The following AFF1 variants were observed in gnomAD, a reference collection of about 807,000 sequenced individuals.
AFF1 encodes ALF transcription elongation factor 1.
A neutral mutation model predicts 121.7 loss-of-function variants in AFF1; 48 were observed. That is an observed-to-expected ratio of 0.39 (90% CI 0.31 to 0.50). The LOEUF (loss-of-function observed/expected upper bound fraction) is 0.50, where lower values mean the gene tolerates loss of function less well. AFF1 is among the 20% of genes least tolerant of loss of function. The pLI is 0.76. For synonymous variants in AFF1, 613 were observed against 563.0 expected, an observed-to-expected ratio of 1.09 and a Z score of -1.26; for missense variants, 1,523 against 1,511.7, an observed-to-expected ratio of 1.01 and a Z score of -0.12.
chr4:87,132,323 A>C lies in AFF1; in HGVS notation c.3226A>C (p.Ile1076Leu), dbSNP rs780553928. 1 of 1,613,466 alleles carries C rather than the reference A, an allele frequency of 6.2e-7. No homozygotes were observed. Among genetic ancestry groups the C allele is most frequent in the African/African-American group, 1.3e-5 (1 of 74,924 alleles). The change falls in exon 19 of 21, where the codon ATA becomes CTA. Residue 1076 changes from isoleucine (I) to leucine (L), a missense_variant. Transcript: ENST00000395146. Reference protein sequence around the residue: ...NMAMFRCKKDIAIKYSRTLNK... With the variant: ...NMAMFRCKKDLAIKYSRTLNK... ...GGCGATGTTTCGTTGTAAAAAAGACATAGCAATAAAGTATTCTCGTACTCT... is the reference window on the plus strand; with the variant it reads ...GGCGATGTTTCGTTGTAAAAAAGACCTAGCAATAAAGTATTCTCGTACTCT...
At chr4:87,050,912 G>A (rs746444215) in intron 4 of AFF1, among the ~76,000 whole-genome samples, 57 of 152,352 alleles carry the variant, frequency 3.7e-4, no homozygotes, top group Non-Finnish European at 7.2e-4. Context: ...GAGAGAAGCC[G>A]TGGCATCTCT....
chr4:87,118,605 C>T (rs749664132), intron 12 of AFF1, among the ~76,000 whole-genome samples: 19 of 152,216 alleles, frequency 1.2e-4, no homozygotes, highest in Non-Finnish European at 2.2e-4. Flanking sequence ...CTCCTGGGCT[C>T]AGGTGACCCT....
At chr4:86,950,776 C>T (rs1721248586) in intron 2 of AFF1, among the ~76,000 whole-genome samples, 1 of 152,180 alleles carries the variant, frequency 6.6e-6, no homozygotes, top group African/African-American at 2.4e-5. Flanking sequence ...TCTGCTAGAG[C>T]CTGGGGGAAA....
At chr4:87,007,396 A>G (rs1408812743) in intron 2 of AFF1, 4 of 1,613,996 alleles carry the variant, frequency 2.5e-6, no homozygotes, top group Non-Finnish European at 3.4e-6. Context: ...CCCTGGCTCT[A>G]TAAGCTGAAT....
intron 1 of AFF1, among the ~76,000 whole-genome samples, chr4:86,943,309 T>C (rs981353424): frequency 1.3e-5 from 2 of 152,218 alleles, no homozygotes; most frequent in African/African-American, 2.4e-5. Flanking sequence ...TGGGAGATTA[T>C]GATCTCTCCC....
At chr4:87,088,046 G>A (rs894895993) in intron 5 of AFF1, among the ~76,000 whole-genome samples, 1 of 152,128 alleles carries the variant, frequency 6.6e-6, no homozygotes, top group African/African-American at 2.4e-5. Flanking sequence ...ATTCAGTACG[G>A]TACATAAAGT....
rs561076387 is a variant in AFF1, at chr4:87,006,842, C to A, written c.39-39324C>A. 2.1e-5 allele frequency: 11 copies of A among 523,250 alleles called. 1 individual carries two copies. The East Asian group carries it at 9.3e-4, about 44-fold the overall frequency. The allele number at this position is 523,250 out of a possible 1,614,324, so 32.4% of individuals were successfully genotyped here. A position where few individuals can be genotyped will look rare whatever the true frequency, so the allele number is the denominator to read the frequency against. Reference sequence around the variant, plus strand: ...GCTTGTCGGCGCCCAGGCTCTGCCCCCTACCCGACCCTGCCTGCCGCTTGC... The same window carrying A: ...GCTTGTCGGCGCCCAGGCTCTGCCCACTACCCGACCCTGCCTGCCGCTTGC... On this transcript the variant is annotated intron_variant, in intron 2 of 20. Transcript: ENST00000395146.
In AFF1 at chr4:87,125,108, A is replaced by G. The variant is rs201088032; in HGVS notation, c.2538A>G (p.Ser846=). 6.2e-7 allele frequency: 1 copy of G among 1,610,870 alleles called. No homozygotes were observed. Among genetic ancestry groups the G allele is most frequent in the Non-Finnish European group, 8.5e-7 (1 of 1,178,216 alleles). Residue 846 remains serine, a synonymous_variant, in exon 13 of 21, where the codon TCA becomes TCG. Transcript: ENST00000395146. ...LEKEIKSQSS[S]SSSSHKESSK... is the part of the protein sequence containing the mutation. ...AGGAAATCAAATCACAGTCATCTTC[A>G]TCTTCATCCTCCCACAAAGAATCTT... is the stretch of plus-strand genomic sequence containing the variant.
At chr4:86,991,438 C>T (rs1724701376) in intron 2 of AFF1, among the ~76,000 whole-genome samples, 2 of 107,480 alleles carry the variant, frequency 1.9e-5, no homozygotes, top group African/African-American at 5.9e-5. Context: ...GAGTGAGACT[C>T]CATCTCCAAA....
intron 16 of AFF1, among the ~76,000 whole-genome samples, chr4:87,130,186 T>C (rs921310208): frequency 3.9e-5 from 6 of 151,968 alleles, no homozygotes; most frequent in African/African-American, 1.5e-4. Flanking sequence ...TTGGCCAGGC[T>C]GGTCTCAAAA....
intron 4 of AFF1, among the ~76,000 whole-genome samples, chr4:87,081,547 G>T (rs1299748170): frequency 2.0e-5 from 3 of 152,180 alleles, no homozygotes; most frequent in Non-Finnish European, 2.9e-5. Flanking sequence ...AAATCTGCAT[G>T]CCATACCATT....
chr4:86,968,656 A>C (rs2149476534), intron 2 of AFF1, among the ~76,000 whole-genome samples: 1 of 152,334 alleles, frequency 6.6e-6, no homozygotes, highest in South Asian at 2.1e-4. Flanking sequence ...GAGGGAAAAG[A>C]TTTATGAGCA....
intron 2 of AFF1, among the ~76,000 whole-genome samples, chr4:86,982,537 C>T (rs925439056): frequency 6.6e-6 from 1 of 150,752 alleles, no homozygotes; most frequent in Non-Finnish European, 1.5e-5. Context: ...GAGGGTGGAA[C>T]CTTCATGAAT....
rs368044794 is a variant in AFF1 at position 87,127,215 on chromosome 4, T to C, written c.2903+98T>C. 3,623 of 1,040,440 alleles carry C rather than the reference T, an allele frequency of 3.5e-3. 15 individuals carry two copies. The highest frequency in any genetic ancestry group is 4.6e-3 in the Non-Finnish European group (3,194 of 691,584). The allele number at this position is 1,040,440 out of a possible 1,614,324, so 64.5% of individuals were successfully genotyped here. A position where few individuals can be genotyped will look rare whatever the true frequency, so the allele number is the denominator to read the frequency against. On this transcript the variant is annotated intron_variant, in intron 15 of 20. Transcript: ENST00000395146. Reference sequence around the variant, plus strand: ...TCACTCTGTCACCCAGGCTGGAGTGTAGTGGCATGATCTTGGCTCACTGCA... The same window carrying C: ...TCACTCTGTCACCCAGGCTGGAGTGCAGTGGCATGATCTTGGCTCACTGCA...
chr4:86,945,658 G>GC (rs1720809078), intron 1 of AFF1, among the ~76,000 whole-genome samples: 2 of 151,842 alleles, frequency 1.3e-5, no homozygotes, highest in African/African-American at 2.4e-5. Flanking sequence ...GTGCCACCAT[G>GC]CCCAGCTAAT....
In AFF1 at chr4:87,091,790, T is replaced by G. The variant is rs1724340936; in HGVS notation, c.1192-3T>G. 1 of 1,538,844 alleles carries G rather than the reference T, an allele frequency of 6.5e-7. No individual in the cohort carries two copies. ...TAATTAGATATTTTTATTTTCTTTC[T>G]AGGACTCTCAGCATGTCAGTTCTGT... On this transcript the variant is annotated splice_polypyrimidine_tract_variant and splice_region_variant and intron_variant, in intron 6 of 20. Coordinates refer to ENST00000395146, the MANE Select transcript of AFF1 (RefSeq NM_001166693.3).
At chr4:87,080,005 G>A (rs993593206) in intron 4 of AFF1, among the ~76,000 whole-genome samples, 1 of 152,148 alleles carries the variant, frequency 6.6e-6, no homozygotes. Flanking sequence ...TTAATGCAAC[G>A]TGAAGTACAA....
At chr4:87,059,780 G>T (rs1427786315) in intron 4 of AFF1, among the ~76,000 whole-genome samples, 1 of 152,180 alleles carries the variant, frequency 6.6e-6, no homozygotes, top group Non-Finnish European at 1.5e-5. Flanking sequence ...GCACCCCGCT[G>T]CCCAGGCCCG....
intron 4 of AFF1, among the ~76,000 whole-genome samples, chr4:87,051,553 C>T (rs1388617011): frequency 2.0e-5 from 3 of 151,980 alleles, no homozygotes; most frequent in Non-Finnish European, 2.9e-5. Context: ...CTCCACCTCC[C>T]GGGTTCAAGC....
Sources: allele counts gnomAD v4.1 joint callset (sites outside exome capture counted in the v4.1 genomes callset), GRCh38; gene constraint gnomAD v4.1.1; transcripts MANE v1.5; gene names NCBI Gene and HGNC (gene_info 2026-07-23, HGNC 2026-07-21).